PIK3AP1: variants seen among roughly 807,000 people sequenced by gnomAD.
PIK3AP1 encodes the protein phosphoinositide 3-kinase adapter protein 1.
Under a neutral mutation model 88.1 loss-of-function variants are expected in PIK3AP1, and 21 were observed. That is an observed-to-expected ratio of 0.24 (90% CI 0.17 to 0.34). The LOEUF (loss-of-function observed/expected upper bound fraction) is 0.34, where lower values mean the gene tolerates loss of function less well. Ranked by LOEUF, PIK3AP1 falls within the 10% of genes least tolerant of loss-of-function variation. The pLI is 1.00. For synonymous variants in PIK3AP1, 398 were observed against 400.0 expected, an observed-to-expected ratio of 1.00 and a Z score of 0.06; for missense variants, 828 against 1,035.7, an observed-to-expected ratio of 0.80 and a Z score of 2.75.
rs141029621 is a variant in PIK3AP1 at position 96,720,152 on chromosome 10, G to A, written c.13+230C>T. Among the ~76,000 whole-genome samples the A allele has an allele frequency of 1.8e-3, 280 of 152,340 alleles. 2 individuals carry two copies. The highest frequency in any genetic ancestry group is 0.017 in the Middle Eastern group (5 of 292). Reference sequence around the variant, plus strand: ...GAAGGAGACCCTGAAGAAGTGGGAGGGGGTCGGGCCAGGCAGGGGCTGAAG... The same window carrying A: ...GAAGGAGACCCTGAAGAAGTGGGAGAGGGTCGGGCCAGGCAGGGGCTGAAG... On this transcript the variant is annotated intron_variant, in intron 1 of 16. Coordinates refer to ENST00000339364, the MANE Select transcript of PIK3AP1 (RefSeq NM_152309.3). The surrounding 1 kb of genome is among the most constrained non-coding windows in gnomAD (Gnocchi z 4.6).
intron 1 of PIK3AP1, among the ~76,000 whole-genome samples, chr10:96,715,327 G>C (rs2134296554): frequency 6.6e-6 from 1 of 152,294 alleles, no homozygotes; most frequent in East Asian, 1.9e-4. Context: ...GGCCTAGGGA[G>C]ACATGACTAC....
At chr10:96,604,667 G>A (rs1466530223) in intron 14 of PIK3AP1, among the ~76,000 whole-genome samples, 1 of 152,130 alleles carries the variant, frequency 6.6e-6, no homozygotes, top group Non-Finnish European at 1.5e-5. Context: ...CAATTTGAAG[G>A]ACAAGACAGC....
At chr10:96,711,069 A>G (rs1844431732) in intron 1 of PIK3AP1, among the ~76,000 whole-genome samples, 1 of 152,208 alleles carries the variant, frequency 6.6e-6, no homozygotes. Context: ...CAAAGCACAA[A>G]TGCCAAAAAG....
At chr10:96,705,484 G>A (rs188433586) in intron 2 of PIK3AP1, among the ~76,000 whole-genome samples, 7 of 151,792 alleles carry the variant, frequency 4.6e-5, no homozygotes, top group Middle Eastern at 6.8e-3. Context: ...CCTAAAATTT[G>A]TCTCCCTGTA....
At chr10:96,618,687 C>T (rs1301500988) in intron 12 of PIK3AP1, 1 of 152,244 alleles carries the variant, frequency 6.6e-6, no homozygotes, top group Non-Finnish European at 1.5e-5. Flanking sequence ...ATCACCTAGT[C>T]CTCCCCTTTC....
intron 2 of PIK3AP1, among the ~76,000 whole-genome samples, chr10:96,665,836 C>T (rs1022056985): frequency 3.3e-5 from 5 of 152,036 alleles, no homozygotes; most frequent in African/African-American, 1.2e-4. Context: ...TTTTCCTGTA[C>T]ACTACTTTAA....
At chr10:96,637,770 T>C (rs1444433230) in intron 8 of PIK3AP1, among the ~76,000 whole-genome samples, 2 of 152,182 alleles carry the variant, frequency 1.3e-5, no homozygotes, top group African/African-American at 2.4e-5. Context: ...AGGCATCATC[T>C]AATCAGCTGA....
At chr10:96,623,168 C>G (rs1843109017) in intron 11 of PIK3AP1, among the ~76,000 whole-genome samples, 1 of 152,128 alleles carries the variant, frequency 6.6e-6, no homozygotes, top group South Asian at 2.1e-4. Context: ...CAGTGCCACA[C>G]TAAAGTATCC....
Position 96,720,303 on chromosome 10 carries a change from C to T in PIK3AP1, c.13+79G>A. 1 of 1,219,260 alleles carries T rather than the reference C, an allele frequency of 8.2e-7. No homozygotes were observed. Among genetic ancestry groups the T allele is most frequent in the Non-Finnish European group, 1.0e-6 (1 of 967,358 alleles). The allele number at this position is 1,219,260 out of a possible 1,614,324, so 75.5% of individuals were successfully genotyped here. ...CACAGAGGACGCAAACAGAAGCAAG[C>T]GGGGGAGCGCGCCTCAAGGGATGCG... On this transcript the variant is annotated intron_variant, in intron 1 of 16. Coordinates refer to ENST00000339364, the MANE Select transcript of PIK3AP1 (RefSeq NM_152309.3). This position sits in a 1 kb window ranked among gnomAD's most constrained non-coding sequence, Gnocchi z 4.6.
chr10:96,697,391 C>T (rs1414466356), intron 2 of PIK3AP1, among the ~76,000 whole-genome samples: 1 of 152,128 alleles, frequency 6.6e-6, no homozygotes, highest in Non-Finnish European at 1.5e-5. Flanking sequence ...CCAACATCTT[C>T]CTCTAGAGTC....
At chr10:96,678,216 C>G (rs1277546274) in intron 2 of PIK3AP1, among the ~76,000 whole-genome samples, 1 of 152,100 alleles carries the variant, frequency 6.6e-6, no homozygotes, top group East Asian at 1.9e-4. Flanking sequence ...GGCAGATCAT[C>G]TGAGGTCAGG....
chr10:96,639,683 T>C (rs1843358841), intron 8 of PIK3AP1, among the ~76,000 whole-genome samples: 1 of 152,198 alleles, frequency 6.6e-6, no homozygotes, highest in Admixed American at 6.5e-5. Context: ...TAAGAACTCA[T>C]GCTGTGCACC....
At chr10:96,664,843 C>G (rs987213506) in intron 2 of PIK3AP1, among the ~76,000 whole-genome samples, 3 of 151,554 alleles carry the variant, frequency 2.0e-5, no homozygotes, top group Non-Finnish European at 4.4e-5. Flanking sequence ...CCACAATGCA[C>G]TACGGAGAAG....
intron 16 of PIK3AP1, among the ~76,000 whole-genome samples, chr10:96,600,216 A>C (rs1207814522): frequency 1.3e-5 from 2 of 152,228 alleles, no homozygotes; most frequent in African/African-American, 4.8e-5. Context: ...CCCAATCTCA[A>C]GCCCCAGTTT....
intron 2 of PIK3AP1, among the ~76,000 whole-genome samples, chr10:96,706,701 G>A (rs547150684): frequency 3.1e-4 from 47 of 152,270 alleles, no homozygotes; most frequent in South Asian, 1.9e-3. Flanking sequence ...GCCGGGTAAT[G>A]CAGTGTCCCT....
chr10:96,638,186 T>A (rs1589505454), intron 8 of PIK3AP1, among the ~76,000 whole-genome samples: 1 of 152,280 alleles, frequency 6.6e-6, no homozygotes, highest in East Asian at 1.9e-4. Context: ...TCCATCCTCA[T>A]GAATGGATTA....
At chr10:96,623,329 C>T (rs753937886) in intron 11 of PIK3AP1, 143 bp downstream of exon 11, 1 of 738,172 alleles carries the variant, frequency 1.4e-6, no homozygotes, top group Non-Finnish European at 2.1e-6. Flanking sequence ...TCCCAAAGTG[C>T]TGGGACTACA....
At chr10:96,709,458 G>A in intron 2 of PIK3AP1, 109 bp downstream of exon 2, 2 of 1,328,506 alleles carry the variant, frequency 1.5e-6, no homozygotes, top group South Asian at 1.4e-5. Flanking sequence ...AATATGACCA[G>A]GTCTCTTAAC....
chr10:96,657,649 G>A (rs1843632777), intron 2 of PIK3AP1, among the ~76,000 whole-genome samples: 1 of 141,124 alleles, frequency 7.1e-6, no homozygotes, highest in Non-Finnish European at 1.5e-5. Flanking sequence ...CTGAGGTTGT[G>A]TGCAAGATTG....
Sources: gnomAD v4.1 joint callset for allele counts (sites outside exome capture counted in the v4.1 genomes callset) on GRCh38, gnomAD v4.1.1 for gene constraint, Gnocchi (gnomAD v3.1) non-coding constraint, MANE v1.5 for transcripts, NCBI Gene and HGNC (gene_info 2026-07-23, HGNC 2026-07-21) for gene names.